Variants in GPR173 observed in about 807,000 individuals in gnomAD.
GPR173 encodes the protein G protein-coupled receptor 173.
A neutral mutation model predicts 13.9 loss-of-function variants in GPR173; 2 were observed. The ratio of observed to expected loss-of-function variants is 0.14; its 90% CI spans 0.06 to 0.45. GPR173 has a LOEUF of 0.45. Ranked by LOEUF, GPR173 falls within the 20% of genes least tolerant of loss-of-function variation. The pLI, the probability that GPR173 is intolerant of heterozygous loss-of-function variation, is 0.98. For synonymous variants in GPR173, 131 were observed against 141.0 expected, an observed-to-expected ratio of 0.93 and a Z score of 0.50; for missense variants, 202 against 340.5, an observed-to-expected ratio of 0.59 and a Z score of 3.20.
In GPR173 at chrX:53,077,560, A is replaced by G; in HGVS notation, c.939A>G (p.Lys313=). ...CCTGCTACTGGCGAGTGTTTGTGAA[A>G]GCCTGTGCTGTGCCCCACCGCTACC... is the stretch of plus-strand genomic sequence containing the variant. ...IVACYWRVFV[K]ACAVPHRYLA... The change falls in exon 2 of 2, where the codon AAA becomes AAG. Residue 313 remains lysine (K), a synonymous_variant. Coordinates refer to ENST00000332582, the MANE Select transcript of GPR173 (RefSeq NM_018969.6). 2 of 1,211,321 alleles carry G rather than the reference A, an allele frequency of 1.7e-6. No homozygotes were observed. Among genetic ancestry groups the G allele is most frequent in the Non-Finnish European group, 2.2e-6 (2 of 895,145 alleles).
In GPR173 at chrX:53,049,008, C is replaced by T. The variant is rs1299032780; in HGVS notation, c.-574C>T. 2 of 89,347 alleles carry T rather than the reference C, an allele frequency of 2.2e-5. No individual in the cohort carries two copies. The highest frequency in any genetic ancestry group is 8.6e-5 in the African/African-American group (2 of 23,391). The allele number at this position is 89,347 out of a possible 1,213,427, so 7.4% of individuals were successfully genotyped here. ...TGCTGGAGGCTTGGCAGAGGCCCCG[C>T]GGGGACCGTGTCTTCTGAGGACAAA... is the stretch of plus-strand genomic sequence containing the variant. On this transcript the variant is annotated 5_prime_UTR_variant, in exon 1 of 2. Coordinates refer to ENST00000332582, the MANE Select transcript of GPR173 (RefSeq NM_018969.6).
At chrX:53,061,703 C>T (rs190754648) in intron 1 of GPR173, among the ~76,000 whole-genome samples, 83 of 111,907 alleles carry the variant, frequency 7.4e-4, no homozygotes, top group Admixed American at 1.4e-3. Context: ...TTGTGTACAA[C>T]TTTCAAATGA....
chrX:53,075,820 AT>A (rs1234050736), intron 1 of GPR173, among the ~76,000 whole-genome samples: 4 of 111,587 alleles, frequency 3.6e-5, no homozygotes, highest in Non-Finnish European at 7.5e-5. Flanking sequence ...TGGTACCAGC[AT>A]TTTAAGAACA....
intron 1 of GPR173, among the ~76,000 whole-genome samples, chrX:53,067,551 C>T (rs1304249381): frequency 5.4e-5 from 6 of 112,149 alleles, no homozygotes; most frequent in African/African-American, 1.6e-4. Flanking sequence ...TCTGGCGGGG[C>T]GCGGTGGCTC....
In GPR173 at chrX:53,051,155, G is replaced by A. The variant is rs182792039; in HGVS notation, c.-98+1671G>A. Among the ~76,000 whole-genome samples the A allele has an allele frequency of 9.0e-5, 10 of 111,431 alleles. No individual in the cohort carries two copies. The East Asian group carries it at 2.0e-3, about 22-fold the overall frequency. ...TGCAGCAGCCAGACCTGTGAGGGAC[G>A]CGTCCCAGGGAGCTGCTCACCTAGA... On this transcript the variant is annotated intron_variant, in intron 1 of 1. Transcript: ENST00000332582.
At chrX:53,057,079 A>T (rs900078099) in intron 1 of GPR173, among the ~76,000 whole-genome samples, 1 of 111,945 alleles carries the variant, frequency 8.9e-6, no homozygotes, top group East Asian at 2.8e-4. Flanking sequence ...AAGTGGGAGT[A>T]CTATTACCTA....
At chrX:53,075,212 C>T (rs1340945799) in intron 1 of GPR173, among the ~76,000 whole-genome samples, 2 of 107,020 alleles carry the variant, frequency 1.9e-5, no homozygotes, top group Admixed American at 2.1e-4. Flanking sequence ...GGCCGTTCCC[C>T]CTGCCTGGAC....
In GPR173 at chrX:53,076,723, C is replaced by T. The variant is rs187452226; in HGVS notation, c.102C>T (p.Cys34=). ...TGGTACTGCTGGGACTGATTATGTG[C>T]GTGAGCCTGGCGGGTAACGCCATCT... ...VKLVLLGLIM[C]VSLAGNAILS... Residue 34 remains cysteine, a synonymous_variant, in exon 2 of 2, where the codon TGC becomes TGT. Transcript: ENST00000332582. 6.6e-6 allele frequency: 8 copies of T among 1,209,290 alleles called. No homozygotes were observed. Among genetic ancestry groups the T allele is most frequent in the African/African-American group, 5.2e-5 (3 of 57,494 alleles).
chrX:53,071,952 T>A lies in GPR173; in HGVS notation c.-97-4573T>A, dbSNP rs374221727. Among the ~76,000 whole-genome samples, 47 of 110,357 alleles carry A rather than the reference T, an allele frequency of 4.3e-4. 1 individual carries two copies. The highest frequency in any genetic ancestry group is 1.4e-3 in the African/African-American group (43 of 30,403). On this transcript the variant is annotated intron_variant, in intron 1 of 1. Transcript: ENST00000332582. ...GGTGTCCACAGCAGTAGACCGTTTA[T>A]GGGGGGATGGGGTGTGCACGTGTCT...
intron 1 of GPR173, among the ~76,000 whole-genome samples, chrX:53,050,058 T>TTTCC (rs1299044404): frequency 1.0e-4 from 11 of 109,359 alleles, no homozygotes; most frequent in Admixed American, 9.8e-4. Context: ...TCTTTCCTCC[T>TTTCC]TTCCTTCCTT....
chrX:53,078,324 C>A lies in GPR173; in HGVS notation c.*581C>A. 8.0e-6 allele frequency: 1 copy of A among 125,663 alleles called. No homozygotes were observed. The allele number at this position is 125,663 out of a possible 1,213,427, so 10.4% of individuals were successfully genotyped here. The stretch of plus-strand genomic sequence containing the variant: ...AAGGGGGTGCTGGGTTCCCAGGGAG[C>A]AGGGATGTTTAATTACTATGTCATG... On this transcript the variant is annotated 3_prime_UTR_variant, in exon 2 of 2. Transcript: ENST00000332582.
At chrX:53,049,974 G>GTA (rs1931934009) in intron 1 of GPR173, among the ~76,000 whole-genome samples, 2 of 106,667 alleles carry the variant, frequency 1.9e-5, no homozygotes, top group African/African-American at 7.2e-5. Flanking sequence ...GTGTGTGTGT[G>GTA]TGCACCTGGG....
intron 1 of GPR173, among the ~76,000 whole-genome samples, chrX:53,052,874 G>A (rs868913413): frequency 9.2e-6 from 1 of 108,172 alleles, no homozygotes; most frequent in South Asian, 3.9e-4. Context: ...ATGTGTGTGT[G>A]TCTGTGATGA....
At position 53,073,999 on chromosome X, in the gene GPR173, A is replaced by G. The variant is rs1466125448; in HGVS notation, c.-97-2526A>G. Among the ~76,000 whole-genome samples the G allele has an allele frequency of 7.7e-3, 206 of 26,698 alleles. 7 individuals are homozygous for G. Among genetic ancestry groups the G allele is most frequent in the Non-Finnish European group, 0.01 (196 of 19,473 alleles). The allele number at this position is 26,698 out of a possible 115,157, so 23.2% of individuals were successfully genotyped here. A position where few individuals can be genotyped will look rare whatever the true frequency, so the allele number is the denominator to read the frequency against. ...TATATTTATATATAAATATACATAA[A>G]TATATATTATACATAAATATATATT... On this transcript the variant is annotated intron_variant, in intron 1 of 1. Coordinates refer to ENST00000332582, the MANE Select transcript of GPR173 (RefSeq NM_018969.6).
In GPR173 at chrX:53,078,017, T is replaced by C; in HGVS notation, c.*274T>C. The C allele has an allele frequency of 6.7e-6, 2 of 299,806 alleles. No homozygotes were observed. The highest frequency in any genetic ancestry group is 1.1e-5 in the Non-Finnish European group (2 of 175,037). 24.7% of individuals were successfully genotyped at this position (299,806 alleles called of 1,213,427 possible). ...ATCTCATTCTCTCTCTCTCTCTCTC[T>C]GTCTCTCTCTCTCTCTCTCTCTCTC... is the stretch of plus-strand genomic sequence containing the variant. On this transcript the variant is annotated 3_prime_UTR_variant, in exon 2 of 2. Coordinates refer to ENST00000332582, the MANE Select transcript of GPR173 (RefSeq NM_018969.6).
At position 53,076,506 on chromosome X, in the gene GPR173, C is replaced by T. The variant is rs782022965; in HGVS notation, c.-97-19C>T. The T allele has an allele frequency of 2.6e-5, 13 of 499,180 alleles. No individual in the cohort carries two copies. Among genetic ancestry groups the T allele is most frequent in the East Asian group, 3.6e-5 (1 of 27,524 alleles). 41.1% of individuals were successfully genotyped at this position (499,180 alleles called of 1,213,427 possible). A position where few individuals can be genotyped will look rare whatever the true frequency, so the allele number is the denominator to read the frequency against. On this transcript the variant is annotated intron_variant, in intron 1 of 1. Coordinates refer to ENST00000332582, the MANE Select transcript of GPR173 (RefSeq NM_018969.6). ...TGTCTCTCTGTGTCTGTGTCTCCCC[C>T]GCTCATTCCCATTTGCAGGTGCAAT...
intron 1 of GPR173, among the ~76,000 whole-genome samples, chrX:53,072,420 T>G (rs782714937): frequency 7.0e-5 from 6 of 85,166 alleles, no homozygotes; most frequent in Admixed American, 6.2e-4. Flanking sequence ...CTCTCTCTAT[T>G]TCTCTCCCTT....
At chrX:53,072,323 C>G (rs1315121170) in intron 1 of GPR173, among the ~76,000 whole-genome samples, 1 of 107,674 alleles carries the variant, frequency 9.3e-6, no homozygotes, top group Non-Finnish European at 1.9e-5. Flanking sequence ...CCCACCCCAC[C>G]CCGTCTCTAT....
At chrX:53,062,265 AAT>A (rs2146676888) in intron 1 of GPR173, among the ~76,000 whole-genome samples, 1 of 110,568 alleles carries the variant, frequency 9.0e-6, no homozygotes, top group East Asian at 2.8e-4. Flanking sequence ...TCATGTCTAA[AAT>A]AGATTAATTC....
Sources: gnomAD v4.1 joint callset for allele counts (sites outside exome capture counted in the v4.1 genomes callset) on GRCh38, gnomAD v4.1.1 for gene constraint, MANE v1.5 for transcripts, NCBI Gene and HGNC (gene_info 2026-07-23, HGNC 2026-07-21) for gene names.